The following TUT4 variants were observed in gnomAD, a reference collection of about 807,000 sequenced individuals.
TUT4 encodes the protein terminal uridylyltransferase 4.
TUT4 carries 36 observed loss-of-function variants against 192.2 expected under a neutral mutation model. That is an observed-to-expected ratio of 0.19 (90% CI 0.14 to 0.25). The LOEUF (loss-of-function observed/expected upper bound fraction) is 0.25. Ranked by LOEUF, TUT4 falls within the 10% of genes least tolerant of loss-of-function variation. The pLI, the probability that TUT4 is intolerant of heterozygous loss-of-function variation, is 1.00. For missense variants in TUT4, 1,493 were observed against 1,957.2 expected, an observed-to-expected ratio of 0.76 and a Z score of 4.47; for synonymous variants, 618 against 666.0, an observed-to-expected ratio of 0.93 and a Z score of 1.11.
intron 15 of TUT4, among the ~76,000 whole-genome samples, chr1:52,467,332 A>G (rs1664503520): frequency 6.6e-6 from 1 of 152,196 alleles, no homozygotes; most frequent in Non-Finnish European, 1.5e-5. Context: ...CCCCATGCCC[A>G]AAACTTACTC....
intron 11 of TUT4, among the ~76,000 whole-genome samples, chr1:52,479,997 G>GAAAAAAAAAAAAAAAAAA (rs375149209): frequency 1.5e-5 from 1 of 67,204 alleles, no homozygotes; most frequent in African/African-American, 5.1e-5. Context: ...TCCGTCTCAG[G>GAAAAAAAAAAAAAAAAAA]AAAAAAAAAA....
chr1:52,431,075 C>T lies in TUT4; in HGVS notation c.4649G>A (p.Gly1550Glu), dbSNP rs1455650881. 4.3e-6 allele frequency: 7 copies of T among 1,613,622 alleles called. No homozygotes were observed. In the Admixed American group the frequency reaches 1.0e-4, roughly 23 times the overall value. The stretch of plus-strand genomic sequence containing the variant: ...TGGAGCCACAGTACGGGGCCAGTGT[C>T]CATCGTGAGACGTGTTAGGGATTGC... ...PVAIPNTSHD[G>E]HWPRTVAPNS... is the part of the protein sequence containing the mutation. Residue 1550 changes from glycine (G) to glutamate (E), a missense_variant, in exon 28 of 30, where the codon GGA (glycine) becomes GAA (glutamate). Physicochemically the swap from Gly to Glu is moderately conservative, Grantham distance 98 (BLOSUM62 -2). Around this residue, in one of 7 missense-constraint regions of TUT4, gnomAD observed 351 missense variants for 397.8 expected, o/e 0.88. Transcript: ENST00000257177.
chr1:52,534,689 C>CAA (rs756129485), intron 1 of TUT4, among the ~76,000 whole-genome samples: 6 of 85,544 alleles, frequency 7.0e-5, no homozygotes, highest in African/African-American at 1.8e-4. Context: ...CCTGTCTCTA[C>CAA]AAAAAAAAAA....
intron 3 of TUT4, among the ~76,000 whole-genome samples, chr1:52,513,394 A>AAAAAAAAAG (rs1677811560): frequency 9.6e-6 from 1 of 104,640 alleles, no homozygotes; most frequent in Non-Finnish European, 2.0e-5. Context: ...ACCCTGTCTC[A>AAAAAAAAAG]AAAAAAAAAA....
chr1:52,475,615 T>C, intron 12 of TUT4, 80 bp from the exon 13 acceptor site: 1 of 1,254,972 alleles, frequency 8.0e-7, no homozygotes, highest in South Asian at 1.5e-5. Flanking sequence ...AGATCTTAAC[T>C]GATAAACTGT....
intron 1 of TUT4, among the ~76,000 whole-genome samples, chr1:52,544,963 G>A (rs1687678883): frequency 1.3e-5 from 2 of 151,908 alleles, no homozygotes; most frequent in South Asian, 4.2e-4. Flanking sequence ...GGCTGAGGTG[G>A]GATGATCTCT....
intron 3 of TUT4, among the ~76,000 whole-genome samples, chr1:52,512,735 T>C (rs565415141): frequency 6.6e-6 from 1 of 152,350 alleles, no homozygotes; most frequent in South Asian, 2.1e-4. Flanking sequence ...TTTCTGGGTA[T>C]TTCCAACTCA....
At chr1:52,442,735 A>G (rs1656038841) in intron 24 of TUT4, among the ~76,000 whole-genome samples, 1 of 152,188 alleles carries the variant, frequency 6.6e-6, no homozygotes, top group Admixed American at 6.5e-5. Context: ...ATCAAAAGAA[A>G]AGTTAGATAA....
rs532677539 is a variant in TUT4 at position 52,454,622 on chromosome 1, A to AAACACAAG, written c.3435+3706_3435+3713dup. On this transcript the variant is annotated intron_variant, in intron 20 of 29. Coordinates refer to ENST00000257177, the MANE Select transcript of TUT4 (RefSeq NM_001009881.3). The stretch of plus-strand genomic sequence containing the variant: ...AATGTAAAATAAAACTCCTGGAAGA[A>AAACACAAG]AACACAAGAGAAAATCTGTATGACC... Among the ~76,000 whole-genome samples, 289 of 152,350 alleles carry AAACACAAG rather than the reference A, an allele frequency of 1.9e-3. 1 individual carries two copies. The Middle Eastern group carries it at 0.034, about 18-fold the overall frequency.
chr1:52,443,326 C>T (rs980939641), intron 24 of TUT4, among the ~76,000 whole-genome samples: 3 of 150,462 alleles, frequency 2.0e-5, no homozygotes, highest in Admixed American at 6.6e-5. Flanking sequence ...CAGTGGCTCA[C>T]GCCTGTAATC....
intron 24 of TUT4, among the ~76,000 whole-genome samples, chr1:52,441,077 A>G (rs1402989945): frequency 6.6e-6 from 1 of 152,174 alleles, no homozygotes; most frequent in African/African-American, 2.4e-5. Flanking sequence ...TGAAGACTCA[A>G]AGTAGACAGA....
chr1:52,532,325 T>C (rs2149529646), intron 1 of TUT4, among the ~76,000 whole-genome samples: 1 of 151,260 alleles, frequency 6.6e-6, no homozygotes, highest in South Asian at 2.1e-4. Flanking sequence ...CTTCTTGTTT[T>C]GTTTTAGCTT....
At chr1:52,484,561 T>C (rs1323551269) in intron 9 of TUT4, among the ~76,000 whole-genome samples, 1 of 152,230 alleles carries the variant, frequency 6.6e-6, no homozygotes, top group Admixed American at 6.5e-5. Flanking sequence ...TCCTACATTT[T>C]TCTTCTAAAA....
intron 1 of TUT4, among the ~76,000 whole-genome samples, chr1:52,534,581 G>A (rs377504525): frequency 1.3e-5 from 2 of 151,854 alleles, no homozygotes; most frequent in Non-Finnish European, 2.9e-5. Flanking sequence ...GGCCAGGCAC[G>A]GTGCTTCATG....
chr1:52,466,974 A>G (rs1553174341), intron 15 of TUT4, among the ~76,000 whole-genome samples: 2 of 151,966 alleles, frequency 1.3e-5, no homozygotes, highest in Non-Finnish European at 2.9e-5. Flanking sequence ...GCCAAAAAAA[A>G]TATTTCTTAA....
At chr1:52,442,167 CAA>C (rs58552556) in intron 24 of TUT4, among the ~76,000 whole-genome samples, 13 of 76,340 alleles carry the variant, frequency 1.7e-4, no homozygotes, top group Admixed American at 6.2e-4. Flanking sequence ...GACTCCACCT[CAA>C]AAAAAAAAAA....
At chr1:52,527,034 T>C (rs1297590556) in intron 1 of TUT4, among the ~76,000 whole-genome samples, 1 of 151,778 alleles carries the variant, frequency 6.6e-6, no homozygotes, top group Non-Finnish European at 1.5e-5. Flanking sequence ...ATCTCAAAGA[T>C]GGAGAATCCC....
At chr1:52,436,234 C>A (rs1426531984) in intron 26 of TUT4, among the ~76,000 whole-genome samples, 1 of 152,056 alleles carries the variant, frequency 6.6e-6, no homozygotes, top group Non-Finnish European at 1.5e-5. Flanking sequence ...GCCTGTAATC[C>A]CAGCACTTTG....
At chr1:52,437,399 C>T (rs1012932944) in intron 25 of TUT4, 2 of 165,506 alleles carry the variant, frequency 1.2e-5, no homozygotes, top group Admixed American at 1.2e-4. Flanking sequence ...AAGAGATCTT[C>T]CTGACCTACT....
Sources: gnomAD v4.1 joint callset for allele counts (sites outside exome capture counted in the v4.1 genomes callset) on GRCh38, gnomAD v4.1.1 for gene constraint, gnomAD v4.1.1 regional missense constraint, MANE v1.5 for transcripts, NCBI Gene and HGNC (gene_info 2026-07-23, HGNC 2026-07-21) for gene names.